SMS: variants seen among roughly 807,000 people sequenced by gnomAD.
The protein encoded by SMS is spermine synthase.
A neutral mutation model predicts 33.0 loss-of-function variants in SMS; 3 were observed. The observed-to-expected ratio is 0.09, with a 90% confidence interval of 0.04 to 0.23. The LOEUF is 0.23. Among genes scored for constraint, SMS ranks in the 10% least tolerant of loss-of-function variants. The probability of loss-of-function intolerance (pLI) is 1.00; values close to 1 mark genes in which losing one functional copy is unlikely to be tolerated. For synonymous variants in SMS, 103 were observed against 112.2 expected, an observed-to-expected ratio of 0.92 and a Z score of 0.52; for missense variants, 117 against 288.6, an observed-to-expected ratio of 0.41 and a Z score of 4.31.
At chrX:21,970,764 T>C (rs1293064267) in intron 2 of SMS, among the ~76,000 whole-genome samples, 1 of 102,928 alleles carries the variant, frequency 9.7e-6, no homozygotes, top group East Asian at 2.9e-4. Context: ...TTTTTTTTTT[T>C]AATCCAAGCA....
At chrX:21,949,425 T>TA (rs1182378209) in intron 1 of SMS, among the ~76,000 whole-genome samples, 1 of 112,230 alleles carries the variant, frequency 8.9e-6, no homozygotes, top group East Asian at 2.8e-4. Context: ...GAATTTAACT[T>TA]ACTTGAAGGG....
At chrX:21,991,880 A>G (rs1925781315) in intron 9 of SMS, among the ~76,000 whole-genome samples, 1 of 111,775 alleles carries the variant, frequency 8.9e-6, no homozygotes, top group Non-Finnish European at 1.9e-5. Flanking sequence ...AAGAAAGTTG[A>G]AGAGGCCGGT....
rs182482355 is a variant in SMS at position 21,957,496 on chromosome X, C to T, written c.50-9700C>T. On this transcript the variant is annotated intron_variant, in intron 1 of 10. Coordinates refer to ENST00000404933, the MANE Select transcript of SMS (RefSeq NM_004595.5). The stretch of plus-strand genomic sequence containing the variant: ...GTGTTTAGTAGGGACGGGGTTTCAC[C>T]GTGTTGGGCAGGCTGGTCTCGAACT... Among the ~76,000 whole-genome samples, 477 of 111,046 alleles carry T rather than the reference C, an allele frequency of 4.3e-3. 1 individual carries two copies. Among genetic ancestry groups the T allele is most frequent in the African/African-American group, 0.015 (457 of 30,469 alleles).
At chrX:21,966,805 G>A (rs182735449) in intron 1 of SMS, among the ~76,000 whole-genome samples, 43 of 111,677 alleles carry the variant, frequency 3.9e-4, no homozygotes, top group Admixed American at 1.2e-3. Flanking sequence ...ACCTGAAGTG[G>A]AATCTCATTT....
chrX:21,978,453 T>C (rs778977250), intron 6 of SMS, among the ~76,000 whole-genome samples: 1 of 111,428 alleles, frequency 9.0e-6, no homozygotes, highest in Admixed American at 9.5e-5. Context: ...CGGGCACCTG[T>C]AATCCCAGCT....
rs1175611054 is a variant in SMS, at chrX:21,940,810, G to C, written c.-15G>C. The C allele has an allele frequency of 2.7e-6, 3 of 1,116,908 alleles. No individual in the cohort carries two copies. In the Admixed American group the frequency reaches 8.2e-5, roughly 31 times the overall value. 92.0% of individuals were successfully genotyped at this position (1,116,908 alleles called of 1,213,427 possible). A position where few individuals can be genotyped will look rare whatever the true frequency, so the allele number is the denominator to read the frequency against. ...CGGCTGCTCCCCCAGGCATGGCACA[G>C]GGCCTCGCCTCACTATGGCAGCAGC... On this transcript the variant is annotated 5_prime_UTR_variant, in exon 1 of 11. Coordinates refer to ENST00000404933, the MANE Select transcript of SMS (RefSeq NM_004595.5).
intron 7 of SMS, among the ~76,000 whole-genome samples, chrX:21,982,316 C>T (rs1925012145): frequency 2.1e-5 from 2 of 95,190 alleles, no homozygotes; most frequent in Non-Finnish European, 4.1e-5. Context: ...CCAGCCTGGG[C>T]GACAGAGCAA....
At chrX:21,988,941 C>T (rs1009357182) in intron 9 of SMS, among the ~76,000 whole-genome samples, 1 of 109,828 alleles carries the variant, frequency 9.1e-6, no homozygotes, top group Non-Finnish European at 1.9e-5. Flanking sequence ...TGGGACTTGA[C>T]CTTCCTCTCT....
chrX:21,946,959 T>C (rs1324301048), intron 1 of SMS, among the ~76,000 whole-genome samples: 5 of 111,337 alleles, frequency 4.5e-5, no homozygotes, highest in African/African-American at 1.3e-4. Context: ...AGGAGCTTGG[T>C]CATTGCTTCC....
intron 7 of SMS, among the ~76,000 whole-genome samples, chrX:21,980,163 T>G (rs972867659): frequency 9.1e-6 from 1 of 109,934 alleles, no homozygotes; most frequent in Non-Finnish European, 1.9e-5. Flanking sequence ...TCAACTTAAT[T>G]CGTTAGGTGA....
chrX:21,955,457 TTTGA>T (rs1922911768), intron 1 of SMS, among the ~76,000 whole-genome samples: 3 of 112,183 alleles, frequency 2.7e-5, no homozygotes, highest in African/African-American at 9.7e-5. Flanking sequence ...ACATGCCAAT[TTTGA>T]ACTAAAAGTA....
chrX:21,954,068 C>T (rs1029826560), intron 1 of SMS, among the ~76,000 whole-genome samples: 4 of 111,069 alleles, frequency 3.6e-5, no homozygotes, highest in Admixed American at 1.9e-4. Flanking sequence ...TAATGTTCGA[C>T]GTATTCCTTA....
chrX:21,986,995 G>GTT (rs10691989), intron 9 of SMS, among the ~76,000 whole-genome samples: 18,366 of 86,435 alleles, frequency 0.21, 2,152 homozygotes, highest in African/African-American at 0.35. Flanking sequence ...ACTTATGATG[G>GTT]TTTTTTTTTT....
At chrX:21,962,627 A>T (rs1923436821) in intron 1 of SMS, among the ~76,000 whole-genome samples, 1 of 111,769 alleles carries the variant, frequency 8.9e-6, no homozygotes, top group Non-Finnish European at 1.9e-5. Flanking sequence ...AATGTGTGGC[A>T]TTGGAATTTT....
chrX:21,943,492 A>T (rs1169186077), intron 1 of SMS, among the ~76,000 whole-genome samples: 1 of 111,429 alleles, frequency 9.0e-6, no homozygotes, highest in East Asian at 2.8e-4. Context: ...GACGATAAAG[A>T]CGTGTATAGA....
chrX:21,988,476 T>A (rs1463195747), intron 9 of SMS, among the ~76,000 whole-genome samples: 2 of 108,940 alleles, frequency 1.8e-5, no homozygotes, highest in Non-Finnish European at 3.8e-5. Context: ...TCATCCTGGC[T>A]AACGTGGTGA....
intron 2 of SMS, among the ~76,000 whole-genome samples, 175 bp downstream of exon 2, chrX:21,967,491 G>A (rs753509924): frequency 6.3e-5 from 7 of 111,276 alleles, no homozygotes; most frequent in Admixed American, 2.9e-4. Flanking sequence ...TCCTGGTAGC[G>A]TTACTGACCA....
chrX:21,992,483 A>G lies in SMS; in HGVS notation c.946-114A>G. 6 of 523,001 alleles carry G rather than the reference A, an allele frequency of 1.1e-5. No homozygotes were observed. In the East Asian group the frequency reaches 2.1e-4, roughly 18 times the overall value. The allele number at this position is 523,001 out of a possible 1,213,427, so 43.1% of individuals were successfully genotyped here. ...AATACAGAAGCCTTATCTTGTTTTT[A>G]AAGATGAACTTTTATCTAAAGCTAG... On this transcript the variant is annotated intron_variant, in intron 9 of 10. Transcript: ENST00000404933.
In SMS at chrX:21,940,851, C is replaced by T; in HGVS notation, c.27C>T (p.Leu9=). Residue 9 remains leucine, a synonymous_variant, in exon 1 of 11, where the codon CTC becomes CTT. Coordinates refer to ENST00000404933, the MANE Select transcript of SMS (RefSeq NM_004595.5). The part of the protein sequence containing the change: MAAARHST[L]DFMLGAKADG... Reference sequence around the variant, plus strand: ...TGGCAGCAGCACGGCACAGCACGCTCGACTTCATGCTCGGCGCCAAAGGTG... The same window carrying T: ...TGGCAGCAGCACGGCACAGCACGCTTGACTTCATGCTCGGCGCCAAAGGTG... The T allele has an allele frequency of 9.0e-7, 1 of 1,114,035 alleles. No individual in the cohort carries two copies. The highest frequency in any genetic ancestry group is 1.9e-5 in the African/African-American group (1 of 52,439). The allele number at this position is 1,114,035 out of a possible 1,213,427, so 91.8% of individuals were successfully genotyped here.
Sources: gnomAD v4.1 joint callset for allele counts (sites outside exome capture counted in the v4.1 genomes callset) on GRCh38, gnomAD v4.1.1 for gene constraint, MANE v1.5 for transcripts, NCBI Gene and HGNC (gene_info 2026-07-23, HGNC 2026-07-21) for gene names.